Variants in ARGFX observed in about 807,000 individuals in gnomAD.
ARGFX encodes arginine-fifty homeobox.
ARGFX carries 10 observed loss-of-function variants against 8.0 expected under a neutral mutation model. The observed-to-expected ratio is 1.25, with a 90% confidence interval of 0.77 to 2.12. The LOEUF is 2.12. Among genes scored for constraint, ARGFX ranks in the 30% most tolerant of loss-of-function variants. The pLI, the probability that ARGFX is intolerant of heterozygous loss-of-function variation, is 0.00. For synonymous variants in ARGFX, 116 were observed against 117.8 expected, an observed-to-expected ratio of 0.98 and a Z score of 0.10; for missense variants, 282 against 324.3, an observed-to-expected ratio of 0.87 and a Z score of 1.00.
At chr3:121,577,259 A>ATATATATATTTT (rs1403064031) in intron 3 of ARGFX, among the ~76,000 whole-genome samples, 51 of 59,590 alleles carry the variant, frequency 8.6e-4, no homozygotes, top group African/African-American at 2.8e-3. Context: ...ATATATATAT[A>ATATATATATTTT]TTTTTTTTTT....
At chr3:121,570,479 C>T (rs1360711335) in intron 1 of ARGFX, among the ~76,000 whole-genome samples, 1 of 152,194 alleles carries the variant, frequency 6.6e-6, no homozygotes, top group Non-Finnish European at 1.5e-5. Context: ...GATATTGACA[C>T]AGGATTTCTT....
At chr3:121,569,362 C>CTTTTTTTT (rs1193645372) in intron 1 of ARGFX, among the ~76,000 whole-genome samples, 1 of 125,556 alleles carries the variant, frequency 8.0e-6, no homozygotes, top group Non-Finnish European at 1.7e-5. Context: ...AATGTGAAAA[C>CTTTTTTTT]TTTTTTTTTT....
At chr3:121,578,444 T>G (rs1427038101) in intron 3 of ARGFX, among the ~76,000 whole-genome samples, 2 of 152,010 alleles carry the variant, frequency 1.3e-5, no homozygotes, top group Non-Finnish European at 2.9e-5. Flanking sequence ...CCTTTTATGC[T>G]TGATGAAACT....
chr3:121,569,888 T>C (rs1001242385), intron 1 of ARGFX, among the ~76,000 whole-genome samples: 1 of 152,172 alleles, frequency 6.6e-6, no homozygotes, highest in African/African-American at 2.4e-5. Flanking sequence ...TAAAATAACA[T>C]GCAAGATGTC....
At chr3:121,573,169 T>C (rs1335778266) in intron 2 of ARGFX, among the ~76,000 whole-genome samples, 2 of 151,974 alleles carry the variant, frequency 1.3e-5, no homozygotes, top group Non-Finnish European at 2.9e-5. Context: ...ACTTGTATGA[T>C]CAAAGGACAC....
In ARGFX at chr3:121,587,877, T is replaced by C. The variant is rs1042898092; in HGVS notation, c.*1277T>C. Among the ~76,000 whole-genome samples the C allele has an allele frequency of 2.9e-4, 44 of 152,170 alleles. No individual in the cohort carries two copies. The highest frequency in any genetic ancestry group is 3.4e-3 in the Middle Eastern group (1 of 294). ...TTTCGCCTTGTTGCCCAGGCTGAAT[T>C]TGGGTTTTTTTAAAATGAGACTTTC... On this transcript the variant is annotated 3_prime_UTR_variant, in exon 5 of 5. Transcript: ENST00000334384.
At position 121,589,257 on chromosome 3, in the gene ARGFX, A is replaced by AT. The variant is rs1470458432; in HGVS notation, c.*2658dup. 2.6e-5 allele frequency among the ~76,000 whole-genome samples: 4 copies of AT among 152,186 alleles called. No individual in the cohort carries two copies. Among genetic ancestry groups the AT allele is most frequent in the Non-Finnish European group, 2.9e-5 (2 of 68,026 alleles). ...AAACAAAAGCACAACAAACCAAAAC[A>AT]TGGGATGAAGCTAAATCAATGCTTA... is the stretch of plus-strand genomic sequence containing the variant. On this transcript the variant is annotated 3_prime_UTR_variant, in exon 5 of 5. Coordinates refer to ENST00000334384, the MANE Select transcript of ARGFX (RefSeq NM_001012659.2).
chr3:121,581,944 T>G (rs2048782901), intron 3 of ARGFX, among the ~76,000 whole-genome samples: 1 of 152,122 alleles, frequency 6.6e-6, no homozygotes, highest in African/African-American at 2.4e-5. Flanking sequence ...CTAGCCACAT[T>G]TCCCATGATT....
chr3:121,586,716 T>G lies in ARGFX; in HGVS notation c.*116T>G. On this transcript the variant is annotated 3_prime_UTR_variant, in exon 5 of 5. Coordinates refer to ENST00000334384, the MANE Select transcript of ARGFX (RefSeq NM_001012659.2). ...AACATCTGGGTCTGTGTCTCTGATTTCCATGTAAATGTTGCAAAAAGAGTT... is the reference window on the plus strand; with the variant it reads ...AACATCTGGGTCTGTGTCTCTGATTGCCATGTAAATGTTGCAAAAAGAGTT... The G allele has an allele frequency of 1.1e-6, 1 of 908,258 alleles. No individual in the cohort carries two copies. The highest frequency in any genetic ancestry group is 1.6e-6 in the Non-Finnish European group (1 of 614,884). The allele number at this position is 908,258 out of a possible 1,614,324, so 56.3% of individuals were successfully genotyped here. A position where few individuals can be genotyped will look rare whatever the true frequency, so the allele number is the denominator to read the frequency against.
Position 121,589,037 on chromosome 3 carries a change from TGACGGCCAG to T in ARGFX, c.*2438_*2446del. 6.6e-6 allele frequency among the ~76,000 whole-genome samples: 1 copy of T among 152,322 alleles called. No homozygotes were observed. The highest frequency in any genetic ancestry group is 1.5e-5 in the Non-Finnish European group (1 of 68,034). ...CAAAAAATAAAAAATTAGCTGGGCA[TGACGGCCAG>T]AGCCCATGGTCCCAGCTACTCGAGA... On this transcript the variant is annotated 3_prime_UTR_variant, in exon 5 of 5. Transcript: ENST00000334384.
chr3:121,568,114 C>G (rs934096841), intron 1 of ARGFX, among the ~76,000 whole-genome samples, 101 bp downstream of exon 1: 1 of 152,108 alleles, frequency 6.6e-6, no homozygotes, highest in East Asian at 1.9e-4. Flanking sequence ...ATGCAAACCA[C>G]TCAGCCCATT....
chr3:121,583,808 G>A (rs2048794718), intron 3 of ARGFX, among the ~76,000 whole-genome samples: 1 of 152,140 alleles, frequency 6.6e-6, no homozygotes, highest in East Asian at 1.9e-4. Context: ...GATTACAGGT[G>A]TGAGCACATT....
At chr3:121,571,229 G>A (rs962053096) in intron 2 of ARGFX, among the ~76,000 whole-genome samples, 2 of 152,072 alleles carry the variant, frequency 1.3e-5, no homozygotes, top group Non-Finnish European at 2.9e-5. Context: ...TTTATATAAG[G>A]TGGATCTTAG....
intron 1 of ARGFX, among the ~76,000 whole-genome samples, chr3:121,570,312 A>C (rs1369694483): frequency 6.6e-6 from 1 of 152,234 alleles, no homozygotes; most frequent in African/African-American, 2.4e-5. Context: ...TGTAAAAAAC[A>C]ATCTAAGTTG....
At chr3:121,585,268 G>A (rs1260270575) in intron 4 of ARGFX, among the ~76,000 whole-genome samples, 1 of 152,128 alleles carries the variant, frequency 6.6e-6, no homozygotes, top group Non-Finnish European at 1.5e-5. Flanking sequence ...GAGGTTCAGA[G>A]GCAAAGTGAC....
At chr3:121,578,766 G>A (rs1362619076) in intron 3 of ARGFX, among the ~76,000 whole-genome samples, 2 of 150,626 alleles carry the variant, frequency 1.3e-5, no homozygotes, top group Non-Finnish European at 3.0e-5. Context: ...TGCCTCCCAG[G>A]TTCATGCCAT....
intron 3 of ARGFX, among the ~76,000 whole-genome samples, chr3:121,578,589 T>A (rs2048758489): frequency 6.6e-6 from 1 of 151,784 alleles, no homozygotes; most frequent in Non-Finnish European, 1.5e-5. Context: ...ATTTAAAAAA[T>A]TAAAAAATTT....
rs531062343 is a variant in ARGFX, at chr3:121,576,196, G to A, written c.104-588G>A. 1.1e-4 allele frequency among the ~76,000 whole-genome samples: 16 copies of A among 151,634 alleles called. No individual in the cohort carries two copies. In the South Asian group the frequency reaches 2.1e-3, roughly 20 times the overall value. ...CTCCCAAGGTCAAGCAGAATGCTTT[G>A]CCTCCCTAAATGCTGAAATTACTGA... On this transcript the variant is annotated intron_variant, in intron 2 of 4. Coordinates refer to ENST00000334384, the MANE Select transcript of ARGFX (RefSeq NM_001012659.2).
rs34783142 is a variant in ARGFX at position 121,588,762 on chromosome 3, C to CAA, written c.*2176_*2177dup. ...TGAAATCCTGCCTCTACTAAAAATA[C>CAA]AAAAAAAAAAAAAAATTAGCTGGGC... On this transcript the variant is annotated 3_prime_UTR_variant, in exon 5 of 5. Transcript: ENST00000334384. Among the ~76,000 whole-genome samples the CAA allele has an allele frequency of 0.011, 1,165 of 107,550 alleles. 16 individuals carry two copies. The highest frequency in any genetic ancestry group is 0.034 in the African/African-American group (1,092 of 31,818). The allele number at this position is 107,550 out of a possible 152,430, so 70.6% of individuals were successfully genotyped here. A position where few individuals can be genotyped will look rare whatever the true frequency, so the allele number is the denominator to read the frequency against.
Sources: allele counts gnomAD v4.1 joint callset (sites outside exome capture counted in the v4.1 genomes callset), GRCh38; gene constraint gnomAD v4.1.1; transcripts MANE v1.5; gene names NCBI Gene and HGNC (gene_info 2026-07-23, HGNC 2026-07-21).